Variants in PHACTR1 observed in about 807,000 individuals in gnomAD.
The protein encoded by PHACTR1 is phosphatase and actin regulator 1.
Under a neutral mutation model 69.2 loss-of-function variants are expected in PHACTR1, and 16 were observed. The observed-to-expected ratio is 0.23, with a 90% CI of 0.16 to 0.35. The LOEUF is 0.35. PHACTR1 is among the 10% of genes least tolerant of loss of function. The pLI is 1.00. For synonymous variants in PHACTR1, 312 were observed against 284.5 expected (o/e 1.10, Z -0.97); for missense variants, 510 against 734.7 (o/e 0.69, Z 3.54).
At chr6:13,238,245 G>T (rs922544950) in intron 10 of PHACTR1, among the ~76,000 whole-genome samples, 1 of 152,322 alleles carries the variant, frequency 6.6e-6, no homozygotes, top group African/African-American at 2.4e-5. Context: ...CACTGAAGGC[G>T]TGGAAACTGG....
chr6:12,747,538 T>C (rs949069613), intron 3 of PHACTR1, among the ~76,000 whole-genome samples: 5 of 152,120 alleles, frequency 3.3e-5, no homozygotes, highest in African/African-American at 9.6e-5. Context: ...TGGTGGTGCA[T>C]GCCTGTAATC....
chr6:13,161,063 T>G lies in PHACTR1; in HGVS notation c.496+779T>G, dbSNP rs182612935. ...GATGCAATCACGGCTCACTGCAGCC[T>G]TGACCTCCCAGCCTCAAGGGATCCT... On this transcript the variant is annotated intron_variant, in intron 6 of 14. Coordinates refer to ENST00000332995, the MANE Select transcript of PHACTR1 (RefSeq NM_030948.6). 7.7e-4 allele frequency among the ~76,000 whole-genome samples: 117 copies of G among 152,292 alleles called. 1 individual carries two copies. The highest frequency in any genetic ancestry group is 2.6e-3 in the African/African-American group (110 of 41,578).
intron 5 of PHACTR1, among the ~76,000 whole-genome samples, chr6:13,077,657 G>A (rs1810735720): frequency 6.6e-6 from 1 of 152,178 alleles, no homozygotes; most frequent in African/African-American, 2.4e-5. Context: ...GATCACAGCT[G>A]GCCTTTGGGT....
chr6:12,921,388 C>T (rs1326129940), intron 4 of PHACTR1, among the ~76,000 whole-genome samples: 1 of 151,812 alleles, frequency 6.6e-6, no homozygotes, highest in Non-Finnish European at 1.5e-5. Context: ...ATGAAAAAGA[C>T]AGTCCTTGTC....
In PHACTR1 at chr6:13,003,950, C is replaced by CATATATATATATATATATAT. The variant is rs1562119669; in HGVS notation, c.251-49415_251-49414insATATATATATATATATATAT. ...TCTTTTTTTATGGCTCAGTAGTATTCCTATATATATATATGTATATATATA... is the reference window on the plus strand; with the variant it reads ...TCTTTTTTTATGGCTCAGTAGTATTCATATATATATATATATATATCTATATATATATATGTATATATATA... On this transcript the variant is annotated intron_variant, in intron 4 of 14. Transcript: ENST00000332995. Among the ~76,000 whole-genome samples the CATATATATATATATATATAT allele has an allele frequency of 2.9e-3, 239 of 81,320 alleles. 14 individuals carry two copies. The highest frequency in any genetic ancestry group is 0.011 in the African/African-American group (180 of 15,764). 53.3% of individuals were successfully genotyped at this position (81,320 alleles called of 152,430 possible).
intron 5 of PHACTR1, among the ~76,000 whole-genome samples, chr6:13,054,304 A>G (rs577645818): frequency 6.6e-6 from 1 of 152,248 alleles, no homozygotes; most frequent in African/African-American, 2.4e-5. Flanking sequence ...AAGGGTGTGC[A>G]GAGGGAAATG....
chr6:12,763,343 A>G (rs536186741), intron 4 of PHACTR1, among the ~76,000 whole-genome samples: 3 of 152,380 alleles, frequency 2.0e-5, no homozygotes, highest in Admixed American at 2.0e-4. Flanking sequence ...AACACAAAGT[A>G]AGCTCAAATC....
At chr6:13,240,807 G>C (rs544130854) in intron 10 of PHACTR1, among the ~76,000 whole-genome samples, 1 of 152,142 alleles carries the variant, frequency 6.6e-6, no homozygotes, top group African/African-American at 2.4e-5. Flanking sequence ...CTCTCAGGGC[G>C]AAGGTCCCTG....
intron 4 of PHACTR1, among the ~76,000 whole-genome samples, chr6:12,979,249 T>G (rs991077753): frequency 1.7e-4 from 26 of 152,204 alleles, no homozygotes; most frequent in Admixed American, 1.1e-3. Flanking sequence ...AAAGTTTACC[T>G]GGCCCCTTAT....
chr6:13,208,445 G>A (rs935277995), intron 8 of PHACTR1, among the ~76,000 whole-genome samples: 3 of 152,166 alleles, frequency 2.0e-5, no homozygotes, highest in Admixed American at 6.5e-5. Context: ...GTGATGGATC[G>A]AAAATGGAAA....
chr6:13,260,907 G>A lies in PHACTR1; in HGVS notation c.1392-11953G>A, dbSNP rs1775818566. Among the ~76,000 whole-genome samples, 3 of 152,220 alleles carry A rather than the reference G, an allele frequency of 2.0e-5. No homozygotes were observed. The South Asian group carries it at 6.2e-4, about 31-fold the overall frequency. ...CCTTATCAAGAATTGATTCAGTAGA[G>A]CAAGGCTTCTCAACCTAAGCACTGT... On this transcript the variant is annotated intron_variant, in intron 10 of 14. Transcript: ENST00000332995.
chr6:12,885,508 T>C (rs934657984), intron 4 of PHACTR1, among the ~76,000 whole-genome samples: 1 of 152,214 alleles, frequency 6.6e-6, no homozygotes, highest in African/African-American at 2.4e-5. Context: ...TTTTTCCCCC[T>C]TTGAAGTTGG....
intron 4 of PHACTR1, among the ~76,000 whole-genome samples, chr6:12,917,714 C>T (rs1028345075): frequency 6.6e-6 from 1 of 152,022 alleles, no homozygotes; most frequent in Non-Finnish European, 1.5e-5. Context: ...ACGACTGTGC[C>T]ACTACACTCC....
At chr6:13,213,117 TGAAA>T (rs1469074500) in intron 8 of PHACTR1, among the ~76,000 whole-genome samples, 3 of 151,876 alleles carry the variant, frequency 2.0e-5, no homozygotes, top group Non-Finnish European at 4.4e-5. Flanking sequence ...AGTGAGTGAG[TGAAA>T]GAATAACTGA....
intron 4 of PHACTR1, among the ~76,000 whole-genome samples, chr6:13,028,693 A>G (rs2127684959): frequency 6.6e-6 from 1 of 152,328 alleles, no homozygotes; most frequent in Middle Eastern, 3.4e-3. Context: ...TCTACCCACT[A>G]GATGCCAGTA....
At chr6:12,842,362 G>C (rs962224824) in intron 4 of PHACTR1, among the ~76,000 whole-genome samples, 1 of 152,148 alleles carries the variant, frequency 6.6e-6, no homozygotes, top group African/African-American at 2.4e-5. Context: ...GATAGTAAGG[G>C]TGTCATATTT....
At chr6:12,760,540 C>A (rs924314246) in intron 4 of PHACTR1, among the ~76,000 whole-genome samples, 10 of 151,902 alleles carry the variant, frequency 6.6e-5, no homozygotes, top group Non-Finnish European at 1.3e-4. Flanking sequence ...GAAAGAGATA[C>A]AGGGAGAAGA....
intron 4 of PHACTR1, among the ~76,000 whole-genome samples, chr6:12,787,761 T>G (rs1771720014): frequency 6.6e-6 from 1 of 152,014 alleles, no homozygotes; most frequent in African/African-American, 2.4e-5. Flanking sequence ...TCAGGATGAG[T>G]ACGGTGGCAA....
At chr6:12,846,117 A>T (rs1779233483) in intron 4 of PHACTR1, among the ~76,000 whole-genome samples, 1 of 152,234 alleles carries the variant, frequency 6.6e-6, no homozygotes, top group Admixed American at 6.5e-5. Context: ...AACACATAAC[A>T]TGAAGACTTT....
Sources: gnomAD v4.1 joint callset for allele counts (sites outside exome capture counted in the v4.1 genomes callset) on GRCh38, gnomAD v4.1.1 for gene constraint, MANE v1.5 for transcripts, NCBI Gene and HGNC (gene_info 2026-07-23, HGNC 2026-07-21) for gene names.